The following PTPRD variants were observed in gnomAD, a reference collection of about 807,000 sequenced individuals.
PTPRD encodes protein tyrosine phosphatase receptor type D, also known as receptor-type tyrosine-protein phosphatase delta.
In PTPRD, 34 loss-of-function variants were observed where a neutral mutation model predicts 214.5. The ratio of observed to expected loss-of-function variants is 0.16; its 90% CI spans 0.12 to 0.21. The LOEUF is 0.21. Ranked by LOEUF, PTPRD falls within the 10% of genes least tolerant of loss-of-function variation. The pLI is 1.00. For synonymous variants in PTPRD, 1,128 were observed against 845.7 expected, an observed-to-expected ratio of 1.33 and a Z score of -5.79; for missense variants, 2,545 against 2,398.7, an observed-to-expected ratio of 1.06 and a Z score of -1.27.
intron 11 of PTPRD, chr9:8,860,625 A>G (rs2098085091): frequency 6.6e-6 from 1 of 152,172 alleles, no homozygotes; most frequent in African/African-American, 2.4e-5. Context: ...AGCCTGCTAC[A>G]CTCATGTTAA....
chr9:8,775,220 A>G (rs1159861148), intron 11 of PTPRD, among the ~76,000 whole-genome samples: 1 of 152,146 alleles, frequency 6.6e-6, no homozygotes, highest in Non-Finnish European at 1.5e-5. Flanking sequence ...TTTAAAAACA[A>G]CATTTCAGGG....
chr9:10,278,924 A>G lies in PTPRD; in HGVS notation c.-545+62039T>C, dbSNP rs528003650. 9.0e-3 allele frequency among the ~76,000 whole-genome samples: 1,370 copies of G among 151,886 alleles called. 15 individuals carry two copies. Among genetic ancestry groups the G allele is most frequent in the African/African-American group, 0.028 (1,179 of 41,386 alleles). ...CGAGTAGCTGGGACTACAGGCACAC[A>G]CCACCACGCCAGGCTAATTTTTTGT... On this transcript the variant is annotated intron_variant, in intron 3 of 45. Coordinates refer to ENST00000381196, the MANE Select transcript of PTPRD (RefSeq NM_002839.4).
intron 10 of PTPRD, among the ~76,000 whole-genome samples, chr9:9,107,182 C>T (rs1287357897): frequency 6.6e-6 from 1 of 151,790 alleles, no homozygotes; most frequent in African/African-American, 2.4e-5. Context: ...GACTAGGTGG[C>T]CTGTATCTTT....
At position 10,060,844 on chromosome 9, in the gene PTPRD, CT is replaced by C. The variant is rs202233107; in HGVS notation, c.-544-27055del. Among the ~76,000 whole-genome samples the C allele has an allele frequency of 1.8e-3, 197 of 111,326 alleles. 23 individuals carry two copies. The highest frequency in any genetic ancestry group is 0.012 in the African/African-American group (155 of 13,222). 73.0% of individuals were successfully genotyped at this position (111,326 alleles called of 152,430 possible). A position where few individuals can be genotyped will look rare whatever the true frequency, so the allele number is the denominator to read the frequency against. Reference sequence around the variant, plus strand: ...TCTTTCTTTCTTCCTTCCTTCCTTCCTTTCCTTTCTTTCTTCCTTCCTTCTT... The same window carrying C: ...TCTTTCTTTCTTCCTTCCTTCCTTCCTTCCTTTCTTTCTTCCTTCCTTCTT... On this transcript the variant is annotated intron_variant, in intron 3 of 45. Coordinates refer to ENST00000381196, the MANE Select transcript of PTPRD (RefSeq NM_002839.4).
intron 9 of PTPRD, among the ~76,000 whole-genome samples, chr9:9,364,923 G>C (rs2057428299): frequency 6.6e-6 from 1 of 151,438 alleles, no homozygotes; most frequent in African/African-American, 2.4e-5. Flanking sequence ...TGGTGGCTTA[G>C]ACTGGAGCAG....
At chr9:10,361,355 T>C (rs2154470358) in intron 2 of PTPRD, among the ~76,000 whole-genome samples, 1 of 152,186 alleles carries the variant, frequency 6.6e-6, no homozygotes, top group South Asian at 2.1e-4. Context: ...GTTATCGAAA[T>C]AGTTTGATGT....
intron 7 of PTPRD, among the ~76,000 whole-genome samples, chr9:9,689,496 T>C (rs2097225436): frequency 6.6e-6 from 1 of 151,912 alleles, no homozygotes; most frequent in African/African-American, 2.4e-5. Flanking sequence ...TGTGAATATG[T>C]GACTTATTCT....
At chr9:9,903,480 TCAGGTACC>T (rs1370705415) in intron 5 of PTPRD, among the ~76,000 whole-genome samples, 2 of 152,092 alleles carry the variant, frequency 1.3e-5, no homozygotes, top group African/African-American at 4.8e-5. Context: ...TACACACAGA[TCAGGTACC>T]CAATAAATAA....
At chr9:9,556,744 A>C (rs1020080908) in intron 8 of PTPRD, among the ~76,000 whole-genome samples, 1 of 152,206 alleles carries the variant, frequency 6.6e-6, no homozygotes, top group African/African-American at 2.4e-5. Flanking sequence ...GTTACATCCA[A>C]ACTTCAAAAT....
In PTPRD at chr9:9,985,418, G is replaced by A. The variant is rs151295269; in HGVS notation, c.-471-46808C>T. The stretch of plus-strand genomic sequence containing the variant: ...AACTGTAGCCATTACTACTCTGCCA[G>A]ATATGCTGTTTTAAATTATTTTATT... On this transcript the variant is annotated intron_variant, in intron 4 of 45. Transcript: ENST00000381196. Among the ~76,000 whole-genome samples, 16 of 152,202 alleles carry A rather than the reference G, an allele frequency of 1.1e-4. No individual in the cohort carries two copies. In the East Asian group the frequency reaches 2.7e-3, roughly 26 times the overall value.
chr9:10,019,251 G>A (rs1346775052), intron 4 of PTPRD, among the ~76,000 whole-genome samples: 3 of 152,108 alleles, frequency 2.0e-5, no homozygotes, highest in African/African-American at 7.2e-5. Context: ...CAGTTAGAAT[G>A]GCGATCATTA....
chr9:10,293,926 A>G (rs2095602279), intron 3 of PTPRD, among the ~76,000 whole-genome samples: 1 of 151,934 alleles, frequency 6.6e-6, no homozygotes, highest in South Asian at 2.1e-4. Context: ...TGCATTTCTT[A>G]CTGTGGTTGC....
chr9:10,200,128 A>G (rs1277142362), intron 3 of PTPRD, among the ~76,000 whole-genome samples: 2 of 152,080 alleles, frequency 1.3e-5, no homozygotes, highest in African/African-American at 4.8e-5. Context: ...TGAACCCTTG[A>G]AAGACTCATG....
intron 4 of PTPRD, among the ~76,000 whole-genome samples, chr9:9,995,514 T>G (rs2096088071): frequency 6.6e-6 from 1 of 152,132 alleles, no homozygotes; most frequent in East Asian, 1.9e-4. Context: ...TCAGATCCAT[T>G]CTCCCTTTTC....
chr9:9,929,606 A>C (rs1295942157), intron 5 of PTPRD, among the ~76,000 whole-genome samples: 1 of 152,094 alleles, frequency 6.6e-6, no homozygotes, highest in African/African-American at 2.4e-5. Flanking sequence ...GTTGGCCAGG[A>C]TAGTCTCAAT....
intron 2 of PTPRD, among the ~76,000 whole-genome samples, chr9:10,408,522 G>A (rs190406836): frequency 2.3e-4 from 35 of 151,702 alleles, no homozygotes; most frequent in African/African-American, 8.0e-4. Flanking sequence ...AGAGAAAGCT[G>A]GTATTTTTTA....
rs562064671 is a variant in PTPRD at position 9,982,673 on chromosome 9, A to C, written c.-471-44063T>G. On this transcript the variant is annotated intron_variant, in intron 4 of 45. Transcript: ENST00000381196. ...TATGCAAGAATCCAGAAGTCAGATC[A>C]AGGCTTTCCTATGATTAGTTTTTGT... 4.7e-4 allele frequency among the ~76,000 whole-genome samples: 72 copies of C among 152,242 alleles called. 1 individual carries two copies. In the South Asian group the frequency reaches 0.015, roughly 31 times the overall value.
chr9:8,495,117 C>T lies in PTPRD; in HGVS notation c.2349+2125G>A, dbSNP rs113068990. 9.0e-3 allele frequency among the ~76,000 whole-genome samples: 1,368 copies of T among 152,250 alleles called. 16 individuals are homozygous for T. Among genetic ancestry groups the T allele is most frequent in the African/African-American group, 0.027 (1,126 of 41,532 alleles). On this transcript the variant is annotated intron_variant, in intron 26 of 45. Coordinates refer to ENST00000381196, the MANE Select transcript of PTPRD (RefSeq NM_002839.4). ...CCTGATTTATTTCCAGCTGTGACTT[C>T]CAATCTGAGCTCCAGTGGCATATAC...
intron 3 of PTPRD, among the ~76,000 whole-genome samples, chr9:10,271,477 G>A (rs2094416648): frequency 3.0e-5 from 1 of 33,856 alleles, no homozygotes; most frequent in Non-Finnish European, 1.4e-4. Flanking sequence ...ATTATCTCAA[G>A]TGTTTTCTTA....
Sources: gnomAD v4.1 joint callset for allele counts (sites outside exome capture counted in the v4.1 genomes callset) on GRCh38, gnomAD v4.1.1 for gene constraint, MANE v1.5 for transcripts, NCBI Gene and HGNC (gene_info 2026-07-23, HGNC 2026-07-21) for gene names.